CEMIP2: variants seen among roughly 807,000 people sequenced by gnomAD.
CEMIP2 encodes cell surface hyaluronidase CEMIP2.
In CEMIP2, 79 loss-of-function variants were observed where a neutral mutation model predicts 146.9. The observed-to-expected ratio is 0.54, with a 90% confidence interval of 0.45 to 0.65. CEMIP2 has a LOEUF of 0.65. CEMIP2 is among the 30% of genes least tolerant of loss of function. CEMIP2 has a pLI of 0.00. For missense variants in CEMIP2, 1,596 were observed against 1,696.2 expected (o/e 0.94, Z 1.04); for synonymous variants, 601 against 606.3 (o/e 0.99, Z 0.13).
Position 71,718,021 on chromosome 9 carries a change from T to C in CEMIP2, c.2326A>G (p.Arg776Gly), listed in dbSNP as rs1823117360. 6.2e-7 allele frequency: 1 copy of C among 1,613,212 alleles called. No homozygotes were observed. The highest frequency in any genetic ancestry group is 8.5e-7 in the Non-Finnish European group (1 of 1,179,592). Residue 776 changes from arginine (R) to glycine (G), a missense_variant, in exon 13 of 24, where the codon AGG becomes GGG. By Grantham distance (125) the Arg-to-Gly change is moderately radical. Coordinates refer to ENST00000377044, the MANE Select transcript of CEMIP2 (RefSeq NM_013390.3). ...TCATTATTTTTAAAAGCAATGAGCCTGTCAATTAGAGCAGCAACACGTGGT... is the reference window on the plus strand; with the variant it reads ...TCATTATTTTTAAAAGCAATGAGCCCGTCAATTAGAGCAGCAACACGTGGT... ...EKPRVAALID[R>G]LIAFKNNDNG...
Position 71,714,005 on chromosome 9 carries a change from C to T in CEMIP2, c.2591+929G>A, listed in dbSNP as rs1025439414. ...CATAGCAGTGCTCGATATTCCACAA[C>T]AACAAGCACAAGGGGTGAGAAGCCA... On this transcript the variant is annotated intron_variant, in intron 15 of 23. Transcript: ENST00000377044. 6.6e-5 allele frequency among the ~76,000 whole-genome samples: 10 copies of T among 152,144 alleles called. No homozygotes were observed. The South Asian group carries it at 1.0e-3, about 16-fold the overall frequency.
At chr9:71,729,059 C>T (rs911026189) in intron 10 of CEMIP2, among the ~76,000 whole-genome samples, 10 of 151,810 alleles carry the variant, frequency 6.6e-5, no homozygotes, top group Non-Finnish European at 1.3e-4. Context: ...AGGCTGGTCT[C>T]GAACTCCTGA....
At chr9:71,732,654 C>G in intron 6 of CEMIP2, 134 bp from the exon 7 acceptor site, 1 of 584,620 alleles carries the variant, frequency 1.7e-6, no homozygotes, top group Non-Finnish European at 2.5e-6. Flanking sequence ...CATTCTCTGA[C>G]ACTTCAGAAT....
intron 16 of CEMIP2, 34 bp from the exon 17 acceptor site, chr9:71,709,508 T>G: frequency 6.3e-7 from 1 of 1,575,092 alleles, no homozygotes; most frequent in Non-Finnish European, 8.7e-7. Context: ...CATCACAAAG[T>G]GAGGGCTCCT....
In CEMIP2 at chr9:71,741,868, A is replaced by AC. The variant is rs112595272; in HGVS notation, c.1035-1637dup. Among the ~76,000 whole-genome samples, 382 of 151,094 alleles carry AC rather than the reference A, an allele frequency of 2.5e-3. 1 individual carries two copies. The highest frequency in any genetic ancestry group is 9.0e-3 in the African/African-American group (371 of 41,140). ...ACCATGTTGGCCAAGCTGGTCTCGC[A>AC]CTCCTGCCCTCAGGTGATCTGACCT... On this transcript the variant is annotated intron_variant, in intron 4 of 23. Coordinates refer to ENST00000377044, the MANE Select transcript of CEMIP2 (RefSeq NM_013390.3).
At chr9:71,754,383 A>G (rs34006270) in intron 1 of CEMIP2, among the ~76,000 whole-genome samples, 22,248 of 152,156 alleles carry the variant, frequency 0.15, 1,765 homozygotes, top group Admixed American at 0.19. Flanking sequence ...GGGAAAAGAC[A>G]ATGTAGTCCT....
chr9:71,691,178 A>G (rs1215719655), intron 21 of CEMIP2, among the ~76,000 whole-genome samples: 2 of 152,166 alleles, frequency 1.3e-5, no homozygotes, highest in African/African-American at 4.8e-5. Context: ...CTGTAATCCA[A>G]TCCCAGCACT....
chr9:71,762,094 G>A (rs900156737), intron 1 of CEMIP2, among the ~76,000 whole-genome samples: 4 of 152,068 alleles, frequency 2.6e-5, no homozygotes, highest in African/African-American at 7.2e-5. Context: ...TTGAAAGGGT[G>A]TCACCTGCAG....
At chr9:71,752,897 T>C (rs1344990599) in intron 1 of CEMIP2, among the ~76,000 whole-genome samples, 2 of 152,152 alleles carry the variant, frequency 1.3e-5, no homozygotes, top group Non-Finnish European at 2.9e-5. Context: ...AGAGTCAGTG[T>C]TTCTGTCAAA....
At chr9:71,726,787 C>G (rs74376827) in intron 10 of CEMIP2, among the ~76,000 whole-genome samples, 1,749 of 152,174 alleles carry the variant, frequency 0.011, 9 homozygotes, top group Non-Finnish European at 0.018. Flanking sequence ...TGTTTGCTAC[C>G]TCAACTCTTC....
chr9:71,765,716 T>A (rs73647014), intron 1 of CEMIP2, among the ~76,000 whole-genome samples: 9,378 of 152,260 alleles, frequency 0.062, 447 homozygotes, highest in East Asian at 0.14. Context: ...TTCTAATTGT[T>A]CATTTCCTTA....
intron 1 of CEMIP2, among the ~76,000 whole-genome samples, chr9:71,760,700 C>A (rs1418075891): frequency 7.9e-6 from 1 of 126,676 alleles, no homozygotes. Context: ...GGAAGGGTAG[C>A]AATTAAGAAC....
chr9:71,738,594 C>T (rs970177222), intron 5 of CEMIP2, among the ~76,000 whole-genome samples: 2 of 151,670 alleles, frequency 1.3e-5, no homozygotes, highest in Non-Finnish European at 2.9e-5. Context: ...AATCCCAGTA[C>T]CTTGGGAGGC....
intron 5 of CEMIP2, among the ~76,000 whole-genome samples, chr9:71,736,387 C>T (rs1338893029): frequency 6.6e-6 from 1 of 152,162 alleles, no homozygotes; most frequent in Non-Finnish European, 1.5e-5. Context: ...ACATTATTTA[C>T]GTATGCACTA....
intron 19 of CEMIP2, chr9:71,699,446 G>T (rs7025890): frequency 5.6e-6 from 2 of 355,684 alleles, no homozygotes; most frequent in Non-Finnish European, 1.1e-5. Flanking sequence ...GGGATACACC[G>T]TCTCTTAAAA....
chr9:71,722,880 T>G (rs568178098), intron 11 of CEMIP2, among the ~76,000 whole-genome samples: 1 of 152,268 alleles, frequency 6.6e-6, no homozygotes, highest in Admixed American at 6.5e-5. Context: ...AGGAAGCAGA[T>G]GAGGTTTGAG....
At chr9:71,736,464 T>C (rs1476397863) in intron 5 of CEMIP2, among the ~76,000 whole-genome samples, 2 of 152,220 alleles carry the variant, frequency 1.3e-5, no homozygotes. Context: ...CAGTATGATC[T>C]GCAATGTAAC....
chr9:71,732,482 C>T lies in CEMIP2; in HGVS notation c.1432G>A (p.Gly478Ser), dbSNP rs760504559. Residue 478 changes from glycine to serine, a missense_variant, in exon 7 of 24, where the codon GGT (glycine) becomes AGT (serine). Coordinates refer to ENST00000377044, the MANE Select transcript of CEMIP2 (RefSeq NM_013390.3). Reference sequence around the variant, plus strand: ...CCAACCTCAGCTCTCATGTCTACACCGTCTATGATCTCACCCATGTGCAGG... The same window carrying T: ...CCAACCTCAGCTCTCATGTCTACACTGTCTATGATCTCACCCATGTGCAGG... ...QFLHMGEIID[G>S]VDMRAEVGIL... 3.7e-6 allele frequency: 6 copies of T among 1,612,222 alleles called. No individual in the cohort carries two copies. Among genetic ancestry groups the T allele is most frequent in the Admixed American group, 1.7e-5 (1 of 59,464 alleles).
rs115440212 is a variant in CEMIP2, at chr9:71,737,563, A to C, written c.1204+2500T>G. On this transcript the variant is annotated intron_variant, in intron 5 of 23. Coordinates refer to ENST00000377044, the MANE Select transcript of CEMIP2 (RefSeq NM_013390.3). Reference sequence around the variant, plus strand: ...ATGTATTCTTACAGTCTTTAAAAAAAATTATAGACATGGTCCCACTATGTT... The same window carrying C: ...ATGTATTCTTACAGTCTTTAAAAAACATTATAGACATGGTCCCACTATGTT... 3.1e-3 allele frequency among the ~76,000 whole-genome samples: 473 copies of C among 152,286 alleles called. 3 individuals carry two copies. The highest frequency in any genetic ancestry group is 0.011 in the African/African-American group (459 of 41,554).
Sources: gnomAD v4.1 joint callset for allele counts (sites outside exome capture counted in the v4.1 genomes callset) on GRCh38, gnomAD v4.1.1 for gene constraint, MANE v1.5 for transcripts, NCBI Gene and HGNC (gene_info 2026-07-23, HGNC 2026-07-21) for gene names.